Variants in ARHGEF3 observed in about 807,000 individuals in gnomAD.
The protein encoded by ARHGEF3 is Rho guanine nucleotide exchange factor 3.
A neutral mutation model predicts 63.2 loss-of-function variants in ARHGEF3; 28 were observed. The ratio of observed to expected loss-of-function variants is 0.44; its 90% CI spans 0.33 to 0.61. The LOEUF is 0.61. ARHGEF3 is among the 20% of genes least tolerant of loss of function. The pLI is 0.03. For synonymous variants in ARHGEF3, 266 were observed against 254.2 expected (o/e 1.05, Z -0.44); for missense variants, 533 against 659.3 (o/e 0.81, Z 2.10).
Position 56,968,203 on chromosome 3 carries a change from TA to T in ARHGEF3, c.63-9315del, listed in dbSNP as rs1421529335. On this transcript the variant is annotated intron_variant, in intron 2 of 12. Transcript: ENST00000338458. ...AAAAATATATATTATATATAATATA[TA>T]AAAATATATATTATATATAATATAT... Among the ~76,000 whole-genome samples, 20 of 19,330 alleles carry T rather than the reference TA, an allele frequency of 1.0e-3. 1 individual carries two copies. The highest frequency in any genetic ancestry group is 2.8e-3 in the Admixed American group (2 of 710). 12.7% of individuals were successfully genotyped at this position (19,330 alleles called of 152,430 possible).
chr3:56,737,457 T>C, intron 7 of ARHGEF3, 102 bp from the exon 8 acceptor site: 1 of 867,114 alleles, frequency 1.2e-6, no homozygotes, highest in East Asian at 2.6e-5. Flanking sequence ...CACACCTGGA[T>C]CTAACTCTGT....
chr3:56,992,401 A>C lies in ARHGEF3; in HGVS notation c.63-33512T>G, dbSNP rs28582066. On this transcript the variant is annotated intron_variant, in intron 2 of 12. Transcript: ENST00000338458. ...AAAAAAAAAAAAAAAAAAAAAAAAA[A>C]AAAAAAAAAAAAACAGAAAGAAGGT... Among the ~76,000 whole-genome samples, 940 of 143,122 alleles carry C rather than the reference A, an allele frequency of 6.6e-3. 5 individuals carry two copies. Among genetic ancestry groups the C allele is most frequent in the African/African-American group, 0.024 (875 of 36,908 alleles). The allele number at this position is 143,122 out of a possible 152,430, so 93.9% of individuals were successfully genotyped here.
In ARHGEF3 at chr3:56,751,086, A is replaced by G; in HGVS notation, c.582T>C (p.Thr194=). The G allele has an allele frequency of 1.2e-6, 2 of 1,614,178 alleles. No individual in the cohort carries two copies. The highest frequency in any genetic ancestry group is 1.1e-5 in the South Asian group (1 of 91,086). The change falls in exon 6 of 10, where the codon ACT becomes ACC. Residue 194 remains threonine, a synonymous_variant. Coordinates refer to ENST00000296315, the MANE Select transcript of ARHGEF3 (RefSeq NM_019555.3). Reference sequence around the variant, plus strand: ...CCACGAGGATGGGACCAACATGTTCAGTCGAGCCATCAGGCTTCCTAACAT... The same window carrying G: ...CCACGAGGATGGGACCAACATGTTCGGTCGAGCCATCAGGCTTCCTAACAT... The part of the protein sequence containing the change: ...LRDVRKPDGS[T]EHVGPILVGW...
At chr3:56,928,313 A>G (rs993462135) in intron 3 of ARHGEF3, among the ~76,000 whole-genome samples, 1 of 151,950 alleles carries the variant, frequency 6.6e-6, no homozygotes, top group South Asian at 2.1e-4. Flanking sequence ...ACTAGAAGAC[A>G]TTGAGGCTCA....
intron 2 of ARHGEF3, among the ~76,000 whole-genome samples, chr3:57,002,498 TTATATA>T (rs1553802543): frequency 3.0e-4 from 4 of 13,484 alleles, no homozygotes; most frequent in Non-Finnish European, 4.6e-4. Context: ...TATATATATG[TTATATA>T]TATATATATG....
At chr3:56,883,846 C>T (rs995682168) in intron 3 of ARHGEF3, among the ~76,000 whole-genome samples, 2 of 152,114 alleles carry the variant, frequency 1.3e-5, no homozygotes, top group African/African-American at 2.4e-5. Flanking sequence ...AAGAAGTCAG[C>T]CTCCTCCTCT....
intron 3 of ARHGEF3, among the ~76,000 whole-genome samples, chr3:56,929,539 C>T (rs1368020701): frequency 6.6e-6 from 1 of 152,192 alleles, no homozygotes; most frequent in East Asian, 1.9e-4. Flanking sequence ...GCCTGAAATT[C>T]TGCATATCTA....
chr3:56,987,685 GAAGGA>G (rs1276027118), intron 2 of ARHGEF3, among the ~76,000 whole-genome samples: 1 of 152,058 alleles, frequency 6.6e-6, no homozygotes, highest in Non-Finnish European at 1.5e-5. Flanking sequence ...GATCTAGAAG[GAAGGA>G]AAGGAAGGAG....
At chr3:56,909,331 G>C (rs751902938) in intron 3 of ARHGEF3, among the ~76,000 whole-genome samples, 6 of 152,224 alleles carry the variant, frequency 3.9e-5, no homozygotes, top group Non-Finnish European at 8.8e-5. Flanking sequence ...GGTGCTTGAA[G>C]AGTTTGTGCC....
At chr3:56,807,460 C>T (rs1356041576) in intron 4 of ARHGEF3, among the ~76,000 whole-genome samples, 1 of 152,168 alleles carries the variant, frequency 6.6e-6, no homozygotes, top group Non-Finnish European at 1.5e-5. Context: ...AAGCCTGGGC[C>T]TCCAATATGT....
At chr3:56,763,750 T>C (rs1365782824) in intron 2 of ARHGEF3, among the ~76,000 whole-genome samples, 2 of 152,118 alleles carry the variant, frequency 1.3e-5, no homozygotes, top group Admixed American at 1.3e-4. Context: ...TATTTTATTT[T>C]TTTTTGTAGG....
intron 4 of ARHGEF3, among the ~76,000 whole-genome samples, chr3:56,880,889 C>A (rs2040742371): frequency 6.6e-6 from 1 of 152,222 alleles, no homozygotes; most frequent in Non-Finnish European, 1.5e-5. Context: ...ACTGGCCCAA[C>A]TCCATCAATC....
intron 2 of ARHGEF3, among the ~76,000 whole-genome samples, chr3:56,989,366 T>C (rs900872751): frequency 1.3e-5 from 2 of 152,086 alleles, no homozygotes; most frequent in Admixed American, 6.5e-5. Context: ...AGAATACAAG[T>C]AACTTGGGGA....
rs372179514 is a variant in ARHGEF3, at chr3:56,807,575, TC to T, written c.193-33760del. Among the ~76,000 whole-genome samples the T allele has an allele frequency of 7.9e-5, 12 of 152,268 alleles. No homozygotes were observed. In the East Asian group the frequency reaches 2.3e-3, roughly 29 times the overall value. Reference sequence around the variant, plus strand: ...GGGCACATGAGTGTTGCAACACCTTTCCCCTCCCCTTCCATTTGGGTGACAT... The same window carrying T: ...GGGCACATGAGTGTTGCAACACCTTTCCCTCCCCTTCCATTTGGGTGACAT... On this transcript the variant is annotated intron_variant, in intron 4 of 12. Coordinates refer to the ARHGEF3 transcript ENST00000338458.
intron 3 of ARHGEF3, among the ~76,000 whole-genome samples, chr3:56,955,038 C>A (rs1398543228): frequency 1.3e-5 from 2 of 152,148 alleles, no homozygotes; most frequent in African/African-American, 2.4e-5. Flanking sequence ...CAGCTTCTCC[C>A]ACTGTACCTC....
chr3:57,018,650 T>C (rs1267309130), intron 2 of ARHGEF3, among the ~76,000 whole-genome samples: 1 of 152,198 alleles, frequency 6.6e-6, no homozygotes, highest in Non-Finnish European at 1.5e-5. Context: ...TGTTCACATT[T>C]GGGGGAGGTT....
At chr3:56,930,916 T>G (rs1469808977) in intron 3 of ARHGEF3, among the ~76,000 whole-genome samples, 1 of 152,128 alleles carries the variant, frequency 6.6e-6, no homozygotes, top group Non-Finnish European at 1.5e-5. Flanking sequence ...AAAGAGCGAA[T>G]CGAGGACAAG....
chr3:57,060,214 T>A (rs1705147689), intron 1 of ARHGEF3, among the ~76,000 whole-genome samples: 1 of 150,292 alleles, frequency 6.7e-6, no homozygotes, highest in Non-Finnish European at 1.5e-5. Context: ...TGTGGGAGGA[T>A]CTCTTGAGCC....
intron 2 of ARHGEF3, among the ~76,000 whole-genome samples, chr3:56,756,347 G>C (rs1279595594): frequency 6.6e-6 from 1 of 152,040 alleles, no homozygotes; most frequent in East Asian, 1.9e-4. Context: ...TCCTCATCTT[G>C]GCACAGGAAG....
Sources: allele counts gnomAD v4.1 joint callset (sites outside exome capture counted in the v4.1 genomes callset), GRCh38; gene constraint gnomAD v4.1.1; transcripts MANE v1.5; gene names NCBI Gene and HGNC (gene_info 2026-07-23, HGNC 2026-07-21).